CRYBG1: variants seen among roughly 807,000 people sequenced by gnomAD.
CRYBG1 encodes the protein beta/gamma crystallin domain-containing protein 1.
In CRYBG1, 139 loss-of-function variants were observed where a neutral mutation model predicts 189.2. That is an observed-to-expected ratio of 0.73 (90% CI 0.64 to 0.85). The LOEUF (loss-of-function observed/expected upper bound fraction) is 0.85, where lower values mean the gene tolerates loss of function less well. Among genes scored for constraint, CRYBG1 ranks in the 40% least tolerant of loss-of-function variants. The pLI is 0.00. For synonymous variants in CRYBG1, 1,023 were observed against 1,017.1 expected, an observed-to-expected ratio of 1.01 and a Z score of -0.11; for missense variants, 2,611 against 2,675.8, an observed-to-expected ratio of 0.98 and a Z score of 0.53.
At chr6:106,410,774 C>A (rs7770808) in intron 1 of CRYBG1, among the ~76,000 whole-genome samples, 7,385 of 152,178 alleles carry the variant, frequency 0.049, 616 homozygotes, top group African/African-American at 0.17. Flanking sequence ...GAAAACCAAA[C>A]ACGCATATTC....
intron 1 of CRYBG1, among the ~76,000 whole-genome samples, chr6:106,432,988 C>T (rs1194169679): frequency 1.3e-5 from 2 of 151,738 alleles, no homozygotes; most frequent in Non-Finnish European, 2.9e-5. Flanking sequence ...TATAGGCAGG[C>T]GCCACCACAC....
chr6:106,389,687 G>A (rs560157109), intron 1 of CRYBG1, among the ~76,000 whole-genome samples: 1 of 152,150 alleles, frequency 6.6e-6, no homozygotes, highest in African/African-American at 2.4e-5. Flanking sequence ...ACTTATATAT[G>A]TTAGCTGGGT....
At chr6:106,395,910 G>T (rs1337259142) in intron 1 of CRYBG1, among the ~76,000 whole-genome samples, 1 of 152,154 alleles carries the variant, frequency 6.6e-6, no homozygotes, top group African/African-American at 2.4e-5. Context: ...CTAGGCAAAT[G>T]ATAACACTTA....
chr6:106,530,734 C>A (rs988899553), intron 8 of CRYBG1, among the ~76,000 whole-genome samples: 2 of 152,046 alleles, frequency 1.3e-5, no homozygotes, highest in African/African-American at 4.8e-5. Flanking sequence ...TGGTTCAAAG[C>A]CCCTAGGAGG....
intron 1 of CRYBG1, among the ~76,000 whole-genome samples, chr6:106,422,357 G>T (rs1771146700): frequency 5.9e-5 from 2 of 33,848 alleles, no homozygotes; most frequent in East Asian, 1.3e-3. Context: ...TTTGAGACAT[G>T]GTCTCACTTG....
chr6:106,396,363 C>T (rs1770607144), intron 1 of CRYBG1, among the ~76,000 whole-genome samples: 2 of 152,126 alleles, frequency 1.3e-5, no homozygotes. Flanking sequence ...CAGTGGAAAG[C>T]AAATTCTTTC....
intron 2 of CRYBG1, among the ~76,000 whole-genome samples, chr6:106,497,239 G>A (rs527822814): frequency 2.6e-5 from 4 of 152,218 alleles, no homozygotes; most frequent in South Asian, 2.1e-4. Context: ...AAATCAGGCC[G>A]GTCTTCCTGA....
intron 1 of CRYBG1, among the ~76,000 whole-genome samples, chr6:106,439,889 A>C (rs886087274): frequency 6.6e-6 from 1 of 152,236 alleles, no homozygotes; most frequent in African/African-American, 2.4e-5. Context: ...AAATAGTACT[A>C]GGTGCAACTA....
chr6:106,466,027 C>T (rs2114459658), intron 2 of CRYBG1, among the ~76,000 whole-genome samples: 1 of 152,296 alleles, frequency 6.6e-6, no homozygotes, highest in African/African-American at 2.4e-5. Context: ...GAATGATATT[C>T]AAGTTGAAAT....
chr6:106,445,294 G>C (rs753855917), intron 1 of CRYBG1, among the ~76,000 whole-genome samples: 17 of 152,154 alleles, frequency 1.1e-4, no homozygotes, highest in Non-Finnish European at 1.8e-4. Flanking sequence ...CATCTACTGA[G>C]AATTTAAAAT....
At position 106,527,439 on chromosome 6, in the gene CRYBG1, T is replaced by C. The variant is rs1364147825; in HGVS notation, c.4547T>C (p.Val1516Ala). 18 of 1,612,678 alleles carry C rather than the reference T, an allele frequency of 1.1e-5. No homozygotes were observed. Among genetic ancestry groups the C allele is most frequent in the Non-Finnish European group, 1.5e-5 (18 of 1,179,234 alleles). The change falls in exon 7 of 22, where the codon GTG becomes GCG. Residue 1516 changes from valine to alanine, a missense_variant. Physicochemically the swap from Val to Ala is moderately conservative, Grantham distance 64. Around this residue, in one of 3 missense-constraint regions of CRYBG1, gnomAD observed 1,622 missense variants for 1,735.0 expected, o/e 0.93. Transcript: ENST00000633556. ...RHEEAESDKPVVIGSIRHVVQ... is the reference protein window; with the variant it reads ...RHEEAESDKPAVIGSIRHVVQ... Reference sequence around the variant, plus strand: ...GAAGAAGCAGAGTCTGATAAGCCAGTGGTGATTGGTTCCATCAGACATGTG... The same window carrying C: ...GAAGAAGCAGAGTCTGATAAGCCAGCGGTGATTGGTTCCATCAGACATGTG...
At chr6:106,438,787 G>T (rs1771515387) in intron 1 of CRYBG1, among the ~76,000 whole-genome samples, 1 of 152,106 alleles carries the variant, frequency 6.6e-6, no homozygotes, top group African/African-American at 2.4e-5. Flanking sequence ...TCATGTAATG[G>T]TTTGATGTCA....
At chr6:106,461,929 C>T (rs1187655841) in intron 2 of CRYBG1, among the ~76,000 whole-genome samples, 1 of 152,116 alleles carries the variant, frequency 6.6e-6, no homozygotes, top group Non-Finnish European at 1.5e-5. Context: ...GTACTATGAC[C>T]GGGATCTTGA....
At chr6:106,541,227 C>A (rs970849748) in intron 9 of CRYBG1, 6 of 487,604 alleles carry the variant, frequency 1.2e-5, no homozygotes, top group Non-Finnish European at 2.5e-5. Context: ...AATGCAGAAG[C>A]CGAAGACAGT....
chr6:106,392,861 G>A (rs1169549170), intron 1 of CRYBG1, among the ~76,000 whole-genome samples: 2 of 152,004 alleles, frequency 1.3e-5, no homozygotes, highest in Admixed American at 6.6e-5. Flanking sequence ...TGCAACCTCC[G>A]CCTTCTGGGT....
rs1190112853 is a variant in CRYBG1 at position 106,555,828 on chromosome 6, T to C, written c.5646T>C (p.His1882=). 13 of 1,614,180 alleles carry C rather than the reference T, an allele frequency of 8.1e-6. No homozygotes were observed. Among genetic ancestry groups the C allele is most frequent in the Non-Finnish European group, 1.1e-5 (13 of 1,180,004 alleles). ...ATCAATACGTGTTGGAAGAAGGCCA[T>C]TATCCTTGTCTGTCTGCAATGGGAT... ...TGNQYVLEEG[H]YPCLSAMGCP... Residue 1882 remains histidine, a synonymous_variant, in exon 17 of 22, where the codon CAT becomes CAC. Coordinates refer to ENST00000633556, the MANE Select transcript of CRYBG1 (RefSeq NM_001371242.2).
At chr6:106,565,950 GT>G (rs1774871817) in intron 21 of CRYBG1, among the ~76,000 whole-genome samples, 1 of 152,172 alleles carries the variant, frequency 6.6e-6, no homozygotes, top group African/African-American at 2.4e-5. Flanking sequence ...AAAAAATGGA[GT>G]TTTTGACACA....
intron 1 of CRYBG1, among the ~76,000 whole-genome samples, chr6:106,443,176 G>A (rs529174063): frequency 6.6e-6 from 1 of 152,146 alleles, no homozygotes; most frequent in Non-Finnish European, 1.5e-5. Context: ...CAGTTTTCTT[G>A]TATTTATAAC....
At chr6:106,532,258 A>G (rs1043527117) in intron 8 of CRYBG1, among the ~76,000 whole-genome samples, 1 of 152,182 alleles carries the variant, frequency 6.6e-6, no homozygotes, top group Non-Finnish European at 1.5e-5. Context: ...GAACACCAGA[A>G]CTTATTCTAT....
Sources: allele counts gnomAD v4.1 joint callset (sites outside exome capture counted in the v4.1 genomes callset), GRCh38; gene constraint gnomAD v4.1.1; regional missense constraint gnomAD v4.1.1; transcripts MANE v1.5; gene names NCBI Gene and HGNC (gene_info 2026-07-23, HGNC 2026-07-21).